The following RALYL variants were observed in gnomAD, a reference collection of about 807,000 sequenced individuals.
RALYL encodes RALY RNA binding protein like, also known as RNA-binding Raly-like protein.
Under a neutral mutation model 35.1 loss-of-function variants are expected in RALYL, and 29 were observed. That is an observed-to-expected ratio of 0.83 (90% CI 0.61 to 1.13). The LOEUF (loss-of-function observed/expected upper bound fraction) is 1.13. RALYL is among the 50% of genes most tolerant of loss of function. RALYL has a pLI of 0.00. For missense variants in RALYL, 359 were observed against 360.4 expected, an observed-to-expected ratio of 1.00 and a Z score of 0.03; for synonymous variants, 120 against 127.6, an observed-to-expected ratio of 0.94 and a Z score of 0.40.
In RALYL at chr8:84,414,993, A is replaced by G. The variant is rs975158181; in HGVS notation, c.-23-114306A>G. 2.0e-5 allele frequency among the ~76,000 whole-genome samples: 3 copies of G among 152,068 alleles called. No individual in the cohort carries two copies. In the South Asian group the frequency reaches 6.2e-4, roughly 31 times the overall value. ...AAGTTCGGGGTGGGTCCTGAATTGT[A>G]ATTTTTAAAGTCATAGGTCACTGGA... On this transcript the variant is annotated intron_variant, in intron 1 of 8. Coordinates refer to ENST00000521268, the MANE Select transcript of RALYL (RefSeq NM_173848.7).
intron 1 of RALYL, among the ~76,000 whole-genome samples, chr8:84,194,059 G>T (rs902758179): frequency 2.0e-5 from 3 of 152,188 alleles, no homozygotes; most frequent in Non-Finnish European, 4.4e-5. Context: ...GATAGGTTTG[G>T]TCAGAAAAGA....
chr8:84,811,597 C>T (rs1378273017), intron 4 of RALYL, among the ~76,000 whole-genome samples: 1 of 152,148 alleles, frequency 6.6e-6, no homozygotes, highest in Non-Finnish European at 1.5e-5. Context: ...TCGATTTTTC[C>T]CCCAAATATG....
intron 2 of RALYL, among the ~76,000 whole-genome samples, chr8:84,621,139 C>G (rs1821307102): frequency 1.3e-5 from 2 of 152,194 alleles, no homozygotes; most frequent in Admixed American, 6.5e-5. Flanking sequence ...TTCCTGGCTG[C>G]TCTGTTTACC....
At chr8:84,493,628 C>G (rs1029887392) in intron 1 of RALYL, among the ~76,000 whole-genome samples, 1 of 152,106 alleles carries the variant, frequency 6.6e-6, no homozygotes, top group South Asian at 2.1e-4. Flanking sequence ...GAGATGGTAT[C>G]TCGTTGTGGT....
chr8:84,759,052 T>C (rs1023922389), intron 2 of RALYL, among the ~76,000 whole-genome samples: 1 of 152,166 alleles, frequency 6.6e-6, no homozygotes, highest in African/African-American at 2.4e-5. Context: ...TGGCCCCTTG[T>C]TCCATATTCA....
chr8:84,271,212 C>A (rs1834248094), intron 1 of RALYL, among the ~76,000 whole-genome samples: 1 of 145,552 alleles, frequency 6.9e-6, no homozygotes, highest in Non-Finnish European at 1.5e-5. Flanking sequence ...TACAAAAAGA[C>A]AACACAATTT....
rs1812098401 is a variant in RALYL, at chr8:84,184,891, TC to T, written c.-24+469del. ...GGTAGAAGCGGCAGAGACCGCATAT[TC>T]CGGAGGGGCTGGCTCCAGGCCACGC... is the stretch of plus-strand genomic sequence containing the variant. On this transcript the variant is annotated intron_variant, in intron 1 of 8. Coordinates refer to ENST00000521268, the MANE Select transcript of RALYL (RefSeq NM_173848.7). The T allele has an allele frequency of 2.2e-6, 3 of 1,374,812 alleles. No individual in the cohort carries two copies. The East Asian group carries it at 6.9e-5, about 32-fold the overall frequency. The allele number at this position is 1,374,812 out of a possible 1,614,324, so 85.2% of individuals were successfully genotyped here. A position where few individuals can be genotyped will look rare whatever the true frequency, so the allele number is the denominator to read the frequency against.
At chr8:84,490,078 CATGTGTGT>C (rs1380153680) in intron 1 of RALYL, among the ~76,000 whole-genome samples, 27 of 91,928 alleles carry the variant, frequency 2.9e-4, no homozygotes, top group African/African-American at 8.9e-4. Context: ...TGCTTGCGTG[CATGTGTGT>C]GTGTGTGTGT....
chr8:84,186,759 G>C (rs1812632521), intron 1 of RALYL, among the ~76,000 whole-genome samples: 1 of 152,068 alleles, frequency 6.6e-6, no homozygotes, highest in Non-Finnish European at 1.5e-5. Flanking sequence ...ATTTATTTAA[G>C]ATTCATTTTT....
intron 2 of RALYL, among the ~76,000 whole-genome samples, chr8:84,753,715 C>T (rs1465369371): frequency 2.0e-5 from 3 of 152,094 alleles, no homozygotes; most frequent in Admixed American, 6.6e-5. Context: ...CCCCATTTGC[C>T]TTCTGCCATG....
intron 2 of RALYL, among the ~76,000 whole-genome samples, chr8:84,688,465 A>G (rs984596278): frequency 2.0e-5 from 3 of 152,118 alleles, no homozygotes; most frequent in African/African-American, 7.2e-5. Flanking sequence ...AGAACACACA[A>G]TGGGGAAAGG....
chr8:84,516,384 A>T (rs1240658794), intron 1 of RALYL, among the ~76,000 whole-genome samples: 2 of 152,128 alleles, frequency 1.3e-5, no homozygotes, highest in East Asian at 3.9e-4. Context: ...TAAAAGCCAA[A>T]TCCATATATT....
intron 3 of RALYL, among the ~76,000 whole-genome samples, chr8:84,780,336 T>C (rs1260698223): frequency 6.6e-6 from 1 of 152,204 alleles, no homozygotes; most frequent in Non-Finnish European, 1.5e-5. Flanking sequence ...GCAATTGCAG[T>C]CTCTTTCTGC....
chr8:84,806,139 C>G (rs889116972), intron 4 of RALYL, among the ~76,000 whole-genome samples: 3 of 152,006 alleles, frequency 2.0e-5, no homozygotes, highest in African/African-American at 4.8e-5. Context: ...CAGAAAGCCA[C>G]TCAAATCATG....
intron 2 of RALYL, among the ~76,000 whole-genome samples, chr8:84,658,947 A>G (rs955125616): frequency 4.5e-4 from 68 of 152,154 alleles, no homozygotes; most frequent in African/African-American, 1.6e-3. Context: ...AAAACAAAAC[A>G]AAACAAAACA....
At chr8:84,804,462 T>TAAAG (rs1824114030) in intron 3 of RALYL, among the ~76,000 whole-genome samples, 1 of 152,176 alleles carries the variant, frequency 6.6e-6, no homozygotes, top group South Asian at 2.1e-4. Context: ...TTACCATGTA[T>TAAAG]AAAGAAAATG....
At chr8:84,839,166 G>A (rs984868315) in intron 4 of RALYL, among the ~76,000 whole-genome samples, 2 of 152,196 alleles carry the variant, frequency 1.3e-5, no homozygotes, top group African/African-American at 2.4e-5. Flanking sequence ...AAAGCAGGGC[G>A]AGGCATCACC....
At chr8:84,527,543 G>C (rs2134885331) in intron 1 of RALYL, among the ~76,000 whole-genome samples, 1 of 152,272 alleles carries the variant, frequency 6.6e-6, no homozygotes, top group East Asian at 1.9e-4. Flanking sequence ...CACAAACAAA[G>C]TAGTATGCTT....
intron 1 of RALYL, among the ~76,000 whole-genome samples, chr8:84,385,695 C>A (rs1186917570): frequency 6.6e-6 from 1 of 151,832 alleles, no homozygotes. Context: ...CATAGGTTTA[C>A]GAATTACCTT....
Sources: allele counts gnomAD v4.1 joint callset (sites outside exome capture counted in the v4.1 genomes callset), GRCh38; gene constraint gnomAD v4.1.1; transcripts MANE v1.5; gene names NCBI Gene and HGNC (gene_info 2026-07-23, HGNC 2026-07-21).